Variants in NUP210L observed in about 807,000 individuals in gnomAD.
NUP210L encodes the protein nucleoporin 210 like, also known as nuclear pore membrane glycoprotein 210-like.
A neutral mutation model predicts 208.5 loss-of-function variants in NUP210L; 74 were observed. That is an observed-to-expected ratio of 0.35 (90% confidence interval 0.29 to 0.43). The LOEUF (loss-of-function observed/expected upper bound fraction) is 0.43, where lower values mean the gene tolerates loss of function less well. Ranked by LOEUF, NUP210L falls within the 20% of genes least tolerant of loss-of-function variation. The pLI is 1.00. For synonymous variants in NUP210L, 780 were observed against 816.9 expected (o/e 0.95, Z 0.77); for missense variants, 1,843 against 2,289.4 (o/e 0.81, Z 3.98).
chr1:154,152,712 A>G (rs1659461384), intron 2 of NUP210L, 24 bp downstream of exon 2: 2 of 1,607,238 alleles, frequency 1.2e-6, no homozygotes, highest in South Asian at 1.1e-5. Flanking sequence ...GAAGTGATAC[A>G]TAGTGTTTTT....
At chr1:154,035,163 TTTTA>T (rs1652464537) in intron 27 of NUP210L, among the ~76,000 whole-genome samples, 1 of 151,958 alleles carries the variant, frequency 6.6e-6, no homozygotes, top group African/African-American at 2.4e-5. Flanking sequence ...CCACCGCTGA[TTTTA>T]TTTATTTTGG....
chr1:154,089,709 T>A, intron 15 of NUP210L, 115 bp from the exon 16 acceptor site: 1 of 799,286 alleles, frequency 1.3e-6, no homozygotes, highest in East Asian at 2.5e-5. Flanking sequence ...CCTTTCACAT[T>A]ATAATCCGGC....
intron 14 of NUP210L, among the ~76,000 whole-genome samples, chr1:154,097,989 C>A (rs1656255659): frequency 6.6e-6 from 1 of 152,156 alleles, no homozygotes; most frequent in African/African-American, 2.4e-5. Flanking sequence ...GCTCATGCTA[C>A]CAGCCTGGAT....
chr1:154,086,045 C>T (rs1175444487), intron 16 of NUP210L, among the ~76,000 whole-genome samples: 1 of 151,860 alleles, frequency 6.6e-6, no homozygotes, highest in Non-Finnish European at 1.5e-5. Context: ...AACCCTGTCT[C>T]TACTAAAAAT....
intron 17 of NUP210L, among the ~76,000 whole-genome samples, chr1:154,062,654 C>T (rs1361349019): frequency 5.4e-5 from 7 of 130,722 alleles, no homozygotes; most frequent in African/African-American, 2.0e-4. Context: ...GTGGTGCAAT[C>T]ACAATTTACT....
chr1:154,022,531 CTT>C (rs758870540), intron 31 of NUP210L, among the ~76,000 whole-genome samples, 188 bp from the exon 32 acceptor site: 2 of 144,392 alleles, frequency 1.4e-5, no homozygotes, highest in Admixed American at 7.0e-5. Context: ...CCCAGGAAGG[CTT>C]TTTTTTTTTT....
At position 154,154,745 on chromosome 1, in the gene NUP210L, C is replaced by G. The variant is rs576610521; in HGVS notation, c.203+97G>C. The G allele has an allele frequency of 1.5e-3, 1,532 of 1,016,438 alleles. 6 individuals are homozygous for G. The highest frequency in any genetic ancestry group is 2.5e-3 in the Admixed American group (135 of 53,600). 63.0% of individuals were successfully genotyped at this position (1,016,438 alleles called of 1,614,324 possible). On this transcript the variant is annotated intron_variant, in intron 1 of 39. Coordinates refer to ENST00000368559, the Ensembl canonical transcript of NUP210L. ...ACCGGCTAGGCCCCTTCACGCGGCC[C>G]CACACGGTATTCCTGTGGGATCTTA...
At chr1:154,047,285 C>A (rs1303125115) in intron 25 of NUP210L, among the ~76,000 whole-genome samples, 1 of 151,944 alleles carries the variant, frequency 6.6e-6, no homozygotes, top group Non-Finnish European at 1.5e-5. Flanking sequence ...AGGATAAATG[C>A]TTGAGGTGGT....
intron 14 of NUP210L, among the ~76,000 whole-genome samples, chr1:154,096,714 T>C (rs1299638261): frequency 1.3e-5 from 2 of 151,180 alleles, no homozygotes; most frequent in Non-Finnish European, 2.9e-5. Flanking sequence ...GATTGTGCCA[T>C]TGCACTCCAG....
intron 10 of NUP210L, among the ~76,000 whole-genome samples, chr1:154,125,491 A>G (rs1657843210): frequency 2.0e-5 from 3 of 150,560 alleles, no homozygotes; most frequent in African/African-American, 7.3e-5. Context: ...GTGTGGTGGC[A>G]TGTGCCTGCA....
intron 37 of NUP210L, 74 bp downstream of exon 37, chr1:154,000,782 A>G: frequency 1.5e-6 from 2 of 1,313,952 alleles, no homozygotes; most frequent in Non-Finnish European, 2.2e-6. Flanking sequence ...AAAACTGCAG[A>G]TGGGGGGTAC....
chr1:154,040,206 G>A (rs1652791253), intron 27 of NUP210L, among the ~76,000 whole-genome samples: 2 of 152,026 alleles, frequency 1.3e-5, no homozygotes, highest in African/African-American at 4.8e-5. Flanking sequence ...CTTGTTTGTT[G>A]TAACAATAAG....
At chr1:153,995,043 C>CA (rs2147875675) in intron 38 of NUP210L, 33 bp downstream of exon 38, 1 of 1,304,070 alleles carries the variant, frequency 7.7e-7, no homozygotes, top group East Asian at 2.3e-5. Context: ...GTTTTCATGT[C>CA]AAAGTCTATG....
chr1:154,029,064 C>T (rs538386959), intron 28 of NUP210L, among the ~76,000 whole-genome samples: 1 of 151,246 alleles, frequency 6.6e-6, no homozygotes, highest in Admixed American at 6.6e-5. Context: ...GCCTGGGTGA[C>T]AGAGTGAGAC....
chr1:154,027,110 A>C (rs1020023568), intron 29 of NUP210L, among the ~76,000 whole-genome samples: 5 of 147,664 alleles, frequency 3.4e-5, no homozygotes, highest in East Asian at 4.2e-4. Flanking sequence ...AAAAAAAAAA[A>C]CAAAAAACAC....
At chr1:154,150,289 G>A (rs531601944) in intron 2 of NUP210L, among the ~76,000 whole-genome samples, 5 of 152,100 alleles carry the variant, frequency 3.3e-5, no homozygotes, top group South Asian at 4.1e-4. Flanking sequence ...CAGGATAATC[G>A]CTTGAACCCG....
intron 31 of NUP210L, among the ~76,000 whole-genome samples, chr1:154,022,915 G>C (rs186665108): frequency 1.1e-4 from 16 of 152,024 alleles, no homozygotes; most frequent in African/African-American, 3.9e-4. Context: ...GGGCCCAAGT[G>C]ATCCTCCCTC....
intron 2 of NUP210L, among the ~76,000 whole-genome samples, chr1:154,151,470 G>GA (rs11395624): frequency 0.31 from 46,302 of 151,582 alleles, 8,030 homozygotes; most frequent in Admixed American, 0.45. Flanking sequence ...TTAGTAGTTG[G>GA]AAAAAAATCT....
intron 12 of NUP210L, among the ~76,000 whole-genome samples, chr1:154,107,083 A>G (rs1481204456): frequency 6.6e-6 from 1 of 152,200 alleles, no homozygotes; most frequent in Non-Finnish European, 1.5e-5. Context: ...AGAGTTCAAA[A>G]CAGCTGTTTT....
Sources: gnomAD v4.1 joint callset for allele counts (sites outside exome capture counted in the v4.1 genomes callset) on GRCh38, gnomAD v4.1.1 for gene constraint, MANE v1.5 for transcripts, NCBI Gene and HGNC (gene_info 2026-07-23, HGNC 2026-07-21) for gene names.